Variants in GLOD5 observed in about 807,000 individuals in gnomAD.
GLOD5 encodes the protein glyoxalase domain-containing protein 5.
A neutral mutation model predicts 9.9 loss-of-function variants in GLOD5; 7 were observed. That is an observed-to-expected ratio of 0.71 (90% CI 0.40 to 1.33). The LOEUF is 1.33. GLOD5 is among the 40% of genes most tolerant of loss of function. GLOD5 has a pLI of 0.01. For missense variants in GLOD5, 146 were observed against 128.4 expected (o/e 1.14, Z -0.66); for synonymous variants, 49 against 47.3 (o/e 1.04, Z -0.14).
In GLOD5 at chrX:48,761,833, G is replaced by A; in HGVS notation, c.43G>A (p.Gly15Ser). 8.6e-7 allele frequency: 1 copy of A among 1,166,002 alleles called. No individual in the cohort carries two copies. ...CTCCAGGCTGCCAGTCAAGATGTGGGGCAGGACTTTGGAGAAACAGGTGAA... is the reference window on the plus strand; with the variant it reads ...CTCCAGGCTGCCAGTCAAGATGTGGAGCAGGACTTTGGAGAAACAGGTGAA... The part of the protein sequence containing the change: ...LPSRLPVKMW[G>S]RTLEKQSWRD... The change falls in exon 1 of 4, where the codon GGC (glycine) becomes AGC (serine). Residue 15 changes from glycine to serine, a missense_variant. Coordinates refer to ENST00000303227, the MANE Select transcript of GLOD5 (RefSeq NM_001080489.3).
At chrX:48,772,167 G>A (rs1291464004) in intron 3 of GLOD5, among the ~76,000 whole-genome samples, 2 of 110,636 alleles carry the variant, frequency 1.8e-5, no homozygotes, top group African/African-American at 3.3e-5. Context: ...AGCCCAGGAG[G>A]TGGAGGCTAC....
At position 48,768,961 on chromosome X, in the gene GLOD5, C is replaced by T. The variant is rs1475187434; in HGVS notation, c.202-1966C>T. On this transcript the variant is annotated intron_variant, in intron 2 of 3. Transcript: ENST00000303227. The stretch of plus-strand genomic sequence containing the variant: ...AGGAGAATTGCTTGAACTCAGGAGG[C>T]GGAGGTTGCAGTGAGCTGAGATCTC... Among the ~76,000 whole-genome samples the T allele has an allele frequency of 4.8e-5, 5 of 104,458 alleles. No individual in the cohort carries two copies. In the East Asian group the frequency reaches 9.2e-4, roughly 19 times the overall value. 90.7% of individuals were successfully genotyped at this position (104,458 alleles called of 115,157 possible). A position where few individuals can be genotyped will look rare whatever the true frequency, so the allele number is the denominator to read the frequency against.
At chrX:48,766,333 GA>G (rs1167953412) in intron 2 of GLOD5, 13 of 124,004 alleles carry the variant, frequency 1.0e-4, no homozygotes, top group African/African-American at 2.7e-4. Context: ...ATCTACAAAG[GA>G]AAAAAAAACA....
At chrX:48,772,704 C>T (rs1200551222) in intron 3 of GLOD5, among the ~76,000 whole-genome samples, 7 of 110,579 alleles carry the variant, frequency 6.3e-5, no homozygotes, top group African/African-American at 2.0e-4. Flanking sequence ...AGAGTATGGT[C>T]GTTGACCCAG....
intron 3 of GLOD5, among the ~76,000 whole-genome samples, 191 bp downstream of exon 3, chrX:48,771,273 A>T (rs1379962528): frequency 1.8e-5 from 2 of 110,993 alleles, no homozygotes; most frequent in Non-Finnish European, 3.8e-5. Context: ...CCATTGTAAA[A>T]CAAACAAACA....
intron 1 of GLOD5, among the ~76,000 whole-genome samples, chrX:48,763,887 AT>A (rs1171094507): frequency 9.0e-6 from 1 of 111,431 alleles, no homozygotes; most frequent in Non-Finnish European, 1.9e-5. Context: ...ATGGTACAGG[AT>A]TTTTTTTAGC....
At chrX:48,768,093 G>A (rs781941713) in intron 2 of GLOD5, among the ~76,000 whole-genome samples, 8 of 111,949 alleles carry the variant, frequency 7.1e-5, no homozygotes, top group Non-Finnish European at 1.1e-4. Flanking sequence ...ACCCTCCTGA[G>A]TAGTTGAGAC....
chrX:48,768,023 T>C (rs1404654063), intron 2 of GLOD5, among the ~76,000 whole-genome samples: 1 of 112,031 alleles, frequency 8.9e-6, no homozygotes, highest in Non-Finnish European at 1.9e-5. Flanking sequence ...TGGAGTATAC[T>C]GGTGCGATCA....
intron 2 of GLOD5, among the ~76,000 whole-genome samples, chrX:48,768,155 G>T (rs1371017259): frequency 8.9e-6 from 1 of 112,076 alleles, no homozygotes; most frequent in East Asian, 2.8e-4. Flanking sequence ...GGCTAAAAAT[G>T]TTAAATCTAA....
chrX:48,773,232 A>C, intron 3 of GLOD5, 78 bp from the exon 4 acceptor site: 4 of 983,939 alleles, frequency 4.1e-6, no homozygotes, highest in East Asian at 3.5e-5. Context: ...TCTGTCACAA[A>C]AAAAAAAAAA....
chrX:48,765,455 G>A (rs960840011), intron 1 of GLOD5, among the ~76,000 whole-genome samples: 1 of 108,695 alleles, frequency 9.2e-6, no homozygotes, highest in Non-Finnish European at 1.9e-5. Context: ...ACACACACCT[G>A]TAGTACCAGC....
Position 48,773,596 on chromosome X carries a change from CAT to C in GLOD5, c.*162_*163del, listed in dbSNP as rs1164074814. The C allele has an allele frequency of 1.6e-5, 8 of 503,257 alleles. No homozygotes were observed. The African/African-American group carries it at 1.9e-4, about 12-fold the overall frequency. 41.5% of individuals were successfully genotyped at this position (503,257 alleles called of 1,213,427 possible). A position where few individuals can be genotyped will look rare whatever the true frequency, so the allele number is the denominator to read the frequency against. Reference sequence around the variant, plus strand: ...CAAGACAGGTTTGGGACCAAACCTACATGTCTGTATGTCATCAAAGTTGGCCT... The same window carrying C: ...CAAGACAGGTTTGGGACCAAACCTACGTCTGTATGTCATCAAAGTTGGCCT... On this transcript the variant is annotated 3_prime_UTR_variant, in exon 4 of 4. Transcript: ENST00000303227.
rs1339472814 is a variant in GLOD5, at chrX:48,761,755, G to T, written c.-36G>T. 5 of 1,135,042 alleles carry T rather than the reference G, an allele frequency of 4.4e-6. No homozygotes were observed. In the African/African-American group the frequency reaches 9.2e-5, roughly 21 times the overall value. The allele number at this position is 1,135,042 out of a possible 1,213,427, so 93.5% of individuals were successfully genotyped here. ...TCTCCAGGCGCTGAGCCAGAGGATT[G>T]TCGGGAGGACCCTGGGCAAAGACGC... On this transcript the variant is annotated 5_prime_UTR_variant, in exon 1 of 4. Coordinates refer to ENST00000303227, the MANE Select transcript of GLOD5 (RefSeq NM_001080489.3).
intron 2 of GLOD5, among the ~76,000 whole-genome samples, chrX:48,769,978 A>C (rs2062618390): frequency 9.4e-6 from 1 of 106,576 alleles, no homozygotes; most frequent in Admixed American, 1.0e-4. Context: ...TGTCTCAAAA[A>C]AAAAAAAAAA....
At chrX:48,762,685 C>T (rs782388560) in intron 1 of GLOD5, among the ~76,000 whole-genome samples, 2 of 111,302 alleles carry the variant, frequency 1.8e-5, no homozygotes, top group African/African-American at 3.3e-5. Context: ...AATCCACCCA[C>T]CTTGGCCTCC....
rs61735979 is a variant in GLOD5 at position 48,770,943 on chromosome X, T to C, written c.218T>C (p.Leu73Pro). ...VMTFKEDRKA[L>P]CFGDQKFNLH... is the part of the protein sequence containing the mutation. ...ACCAAGTAGGAAGACCGGAAAGCAC[T>C]GTGTTTTGGAGACCAGAAATTTAAC... The change falls in exon 3 of 4, where the codon CTG becomes CCG. Residue 73 changes from leucine to proline, a missense_variant. Transcript: ENST00000303227. The C allele has an allele frequency of 5.9e-3, 7,011 of 1,189,570 alleles. 303 individuals are homozygous for C. In the African/African-American group the frequency reaches 0.11, roughly 18 times the overall value.
chrX:48,768,903 G>A (rs1017484431), intron 2 of GLOD5, among the ~76,000 whole-genome samples: 2 of 109,570 alleles, frequency 1.8e-5, no homozygotes, highest in African/African-American at 3.3e-5. Context: ...GGTGGCTCGC[G>A]CCTGTAGTCC....
rs372234200 is a variant in GLOD5 at position 48,773,604 on chromosome X, T to C, written c.*169T>C. 2.1e-6 allele frequency: 1 copy of C among 480,715 alleles called. No homozygotes were observed. 39.6% of individuals were successfully genotyped at this position (480,715 alleles called of 1,213,427 possible). A position where few individuals can be genotyped will look rare whatever the true frequency, so the allele number is the denominator to read the frequency against. On this transcript the variant is annotated 3_prime_UTR_variant, in exon 4 of 4. Transcript: ENST00000303227. ...GTTTGGGACCAAACCTACATGTCTG[T>C]ATGTCATCAAAGTTGGCCTAATAAA...
intron 2 of GLOD5, among the ~76,000 whole-genome samples, chrX:48,768,932 A>G (rs1389050590): frequency 9.2e-6 from 1 of 108,831 alleles, no homozygotes; most frequent in Non-Finnish European, 1.9e-5. Flanking sequence ...CGGGAGGCTG[A>G]GGCAGGAGAA....
Sources: gnomAD v4.1 joint callset for allele counts (sites outside exome capture counted in the v4.1 genomes callset) on GRCh38, gnomAD v4.1.1 for gene constraint, MANE v1.5 for transcripts, NCBI Gene and HGNC (gene_info 2026-07-23, HGNC 2026-07-21) for gene names.